Variants in EMILIN3 observed in about 807,000 individuals in gnomAD.
The protein encoded by EMILIN3 is elastin microfibril interfacer 3.
A neutral mutation model predicts 42.8 loss-of-function variants in EMILIN3; 38 were observed. The observed-to-expected ratio is 0.89, with a 90% confidence interval of 0.69 to 1.16. The LOEUF (loss-of-function observed/expected upper bound fraction) is 1.16, where lower values mean the gene tolerates loss of function less well. Among genes scored for constraint, EMILIN3 ranks in the 50% most tolerant of loss-of-function variants. The pLI is 0.00. For synonymous variants in EMILIN3, 430 were observed against 440.5 expected, an observed-to-expected ratio of 0.98 and a Z score of 0.30; for missense variants, 924 against 999.5, an observed-to-expected ratio of 0.92 and a Z score of 1.02.
rs936131907 is a variant in EMILIN3 at position 41,360,938 on chromosome 20, G to A, written c.*330C>T. 4 of 384,730 alleles carry A rather than the reference G, an allele frequency of 1.0e-5. No individual in the cohort carries two copies. Among genetic ancestry groups the A allele is most frequent in the African/African-American group, 6.1e-5 (3 of 49,508 alleles). The allele number at this position is 384,730 out of a possible 1,614,324, so 23.8% of individuals were successfully genotyped here. A position where few individuals can be genotyped will look rare whatever the true frequency, so the allele number is the denominator to read the frequency against. ...CACTGATCAAGGCCAGTTTGCCACA[G>A]CAGCTGCCCCTGCCAGCCATGCTCA... On this transcript the variant is annotated 3_prime_UTR_variant, in exon 4 of 4. Transcript: ENST00000332312.
In EMILIN3 at chr20:41,361,808, G is replaced by T. The variant is rs149625251; in HGVS notation, c.1761C>A (p.Leu587=). The T allele has an allele frequency of 6.8e-5, 109 of 1,613,460 alleles. 1 individual carries two copies. Among genetic ancestry groups the T allele is most frequent in the Non-Finnish European group, 8.9e-5 (105 of 1,180,050 alleles). ...TGCTCACTGAGTTCAGATTGACCTT[G>T]AGCAGAGTGATCTCGCCTTGAAGTG... The part of the protein sequence containing the change: ...GSSLQGEITL[L]KVNLNSVSKS... Residue 587 remains leucine, a synonymous_variant, in exon 4 of 4, where the codon CTC becomes CTA. Transcript: ENST00000332312.
chr20:41,363,377 G>A (rs1158413573), intron 3 of EMILIN3, among the ~76,000 whole-genome samples: 5 of 152,168 alleles, frequency 3.3e-5, no homozygotes, highest in Non-Finnish European at 2.9e-5. Context: ...TCCTAACCTC[G>A]TGATCCACCC....
At chr20:41,364,476 G>A (rs1399661823) in intron 2 of EMILIN3, among the ~76,000 whole-genome samples, 2 of 152,144 alleles carry the variant, frequency 1.3e-5, no homozygotes, top group Non-Finnish European at 2.9e-5. Flanking sequence ...GTTCAGCCAC[G>A]TACCTGTTCA....
In EMILIN3 at chr20:41,366,503, C is replaced by A; in HGVS notation, c.132G>T (p.Thr44=). ...PGASRYSLYT[T]GWRPRLRPGP... is the part of the protein sequence containing the mutation. ...CCGGGCGCAGCCGCGGGCGCCATCC[C>A]GTCGTGTAGAGACTGTAGCGGGAGG... Residue 44 remains threonine (T), a synonymous_variant, in exon 1 of 4, where the codon ACG becomes ACT. Transcript: ENST00000332312. This position sits in a 1 kb window ranked among gnomAD's most constrained non-coding sequence, Gnocchi z 4.2. 8.7e-7 allele frequency: 1 copy of A among 1,155,778 alleles called. No homozygotes were observed. Among genetic ancestry groups the A allele is most frequent in the Non-Finnish European group, 1.1e-6 (1 of 940,228 alleles). 71.6% of individuals were successfully genotyped at this position (1,155,778 alleles called of 1,614,324 possible). A position where few individuals can be genotyped will look rare whatever the true frequency, so the allele number is the denominator to read the frequency against.
rs775304250 is a variant in EMILIN3, at chr20:41,362,269, C to T, written c.1300G>A (p.Gly434Arg). 2.2e-5 allele frequency: 35 copies of T among 1,613,842 alleles called. No individual in the cohort carries two copies. Among genetic ancestry groups the T allele is most frequent in the Non-Finnish European group, 2.5e-5 (29 of 1,180,010 alleles). Residue 434 changes from glycine (G) to arginine (R), a missense_variant, in exon 4 of 4, where the codon GGG (glycine) becomes AGG (arginine). By Grantham distance (125) the Gly-to-Arg change is moderately radical. Transcript: ENST00000332312. Reference protein sequence around the residue: ...SAAMLEGGVDGLLEGLETLNG... With the variant: ...SAAMLEGGVDRLLEGLETLNG... Reference sequence around the variant, plus strand: ...AGCGTCTCCAGACCCTCAAGCAGCCCGTCCACACCTCCCTCGAGCATGGCA... The same window carrying T: ...AGCGTCTCCAGACCCTCAAGCAGCCTGTCCACACCTCCCTCGAGCATGGCA...
intron 3 of EMILIN3, 82 bp downstream of exon 3, chr20:41,363,555 GC>G: frequency 5.8e-6 from 8 of 1,374,386 alleles, no homozygotes; most frequent in Non-Finnish European, 7.8e-6. Context: ...AGCTCAGCCA[GC>G]CTGGGATCAG....
Position 41,366,514 on chromosome 20 carries a change from G to A in EMILIN3, c.121C>T (p.Leu41Phe), listed in dbSNP as rs1158010220. The change falls in exon 1 of 4, where the codon CTC becomes TTC. Residue 41 changes from leucine (L) to phenylalanine (F), a missense_variant. Coordinates refer to ENST00000332312, the MANE Select transcript of EMILIN3 (RefSeq NM_052846.2). This position sits in a 1 kb window ranked among gnomAD's most constrained non-coding sequence, Gnocchi z 4.2. ...PAPPGASRYS[L>F]YTTGWRPRLR... ...CGCGGGCGCCATCCCGTCGTGTAGA[G>A]ACTGTAGCGGGAGGCACCGGGCGGC... The A allele has an allele frequency of 1.1e-5, 13 of 1,163,556 alleles. No homozygotes were observed. Among genetic ancestry groups the A allele is most frequent in the African/African-American group, 1.6e-5 (1 of 61,198 alleles). The allele number at this position is 1,163,556 out of a possible 1,614,324, so 72.1% of individuals were successfully genotyped here.
rs773979845 is a variant in EMILIN3 at position 41,361,861 on chromosome 20, C to T, written c.1708G>A (p.Gly570Arg). 35 of 1,613,552 alleles carry T rather than the reference C, an allele frequency of 2.2e-5. No homozygotes were observed. The South Asian group carries it at 3.4e-4, about 16-fold the overall frequency. Reference protein sequence around the residue: ...QLNGTVAEVQGQLAEGTGSSL... With the variant: ...QLNGTVAEVQRQLAEGTGSSL... ...CTGCCCGTCCCTTCTGCCAGCTGTC[C>T]CTGGACCTCGGCCACAGTGCCATTG... The change falls in exon 4 of 4, where the codon GGA becomes AGA. Residue 570 changes from glycine to arginine, a missense_variant. By Grantham distance (125) the Gly-to-Arg change is moderately radical. Transcript: ENST00000332312.
rs760423261 is a variant in EMILIN3, at chr20:41,363,652, G to T, written c.500C>A (p.Ala167Asp). The T allele has an allele frequency of 6.2e-7, 1 of 1,610,510 alleles. No individual in the cohort carries two copies. The highest frequency in any genetic ancestry group is 1.7e-5 in the Admixed American group (1 of 59,972). ...GPRPPSYSRA[A>D]PSPHGRKGPG... ...GGCAGACTCACCATGAGGGCTGGGG[G>T]CTGCTCTGCTGTAGGAAGGGGGCCT... The change falls in exon 3 of 4, where the codon GCC becomes GAC. Residue 167 changes from alanine (A) to aspartate (D), a missense_variant. Transcript: ENST00000332312.
chr20:41,366,656 C>A lies in EMILIN3; in HGVS notation c.-22G>T. 1.0e-6 allele frequency: 1 copy of A among 1,003,888 alleles called. No individual in the cohort carries two copies. Among genetic ancestry groups the A allele is most frequent in the Non-Finnish European group, 1.2e-6 (1 of 843,876 alleles). The allele number at this position is 1,003,888 out of a possible 1,614,324, so 62.2% of individuals were successfully genotyped here. A position where few individuals can be genotyped will look rare whatever the true frequency, so the allele number is the denominator to read the frequency against. The stretch of plus-strand genomic sequence containing the variant: ...CCATAGCGGCCCCCGCGCCTCTGCC[C>A]GGCCCCGCGCGGTGCCCCCCGCCGG... On this transcript the variant is annotated 5_prime_UTR_variant, in exon 1 of 4. Coordinates refer to ENST00000332312, the MANE Select transcript of EMILIN3 (RefSeq NM_052846.2). The surrounding 1 kb of genome is among the most constrained non-coding windows in gnomAD (Gnocchi z 4.2).
Position 41,361,635 on chromosome 20 carries a change from T to C in EMILIN3, c.1934A>G (p.Gln645Arg). 1 of 1,608,308 alleles carries C rather than the reference T, an allele frequency of 6.2e-7. No homozygotes were observed. The highest frequency in any genetic ancestry group is 1.1e-5 in the South Asian group (1 of 90,770). ...EQVSSQGSRL[Q>R]AGHRQVLNLR... Reference sequence around the variant, plus strand: ...GTTCAGGACCTGCCTGTGGCCAGCCTGAAGCCTGGAGCCTTGGCTGCTGAC... The same window carrying C: ...GTTCAGGACCTGCCTGTGGCCAGCCCGAAGCCTGGAGCCTTGGCTGCTGAC... Residue 645 changes from glutamine (Q) to arginine (R), a missense_variant, in exon 4 of 4, where the codon CAG becomes CGG. Physicochemically the swap from Gln to Arg is conservative, Grantham distance 43. Coordinates refer to ENST00000332312, the MANE Select transcript of EMILIN3 (RefSeq NM_052846.2).
rs1207010915 is a variant in EMILIN3 at position 41,361,905 on chromosome 20, G to T, written c.1664C>A (p.Ala555Glu). The T allele has an allele frequency of 6.2e-7, 1 of 1,613,260 alleles. No individual in the cohort carries two copies. The highest frequency in any genetic ancestry group is 1.3e-5 in the African/African-American group (1 of 74,946). Residue 555 changes from alanine (A) to glutamate (E), a missense_variant, in exon 4 of 4, where the codon GCA (alanine) becomes GAA (glutamate). Transcript: ENST00000332312. ...EALLRQVASH[A>E]ALLQQLNGTV... is the part of the protein sequence containing the mutation. Reference sequence around the variant, plus strand: ...GCCATTGAGCTGCTGGAGCAGTGCTGCGTGGCTGGCCACCTGGCGTAGGAG... The same window carrying T: ...GCCATTGAGCTGCTGGAGCAGTGCTTCGTGGCTGGCCACCTGGCGTAGGAG...
chr20:41,361,819 T>C lies in EMILIN3; in HGVS notation c.1750A>G (p.Ile584Val), dbSNP rs777404496. 2.5e-6 allele frequency: 4 copies of C among 1,613,574 alleles called. No homozygotes were observed. The highest frequency in any genetic ancestry group is 3.3e-5 in the Admixed American group (2 of 60,030). Reference protein sequence around the residue: ...EGTGSSLQGEITLLKVNLNSV... With the variant: ...EGTGSSLQGEVTLLKVNLNSV... The stretch of plus-strand genomic sequence containing the variant: ...TTCAGATTGACCTTGAGCAGAGTGA[T>C]CTCGCCTTGAAGTGAGCTGCCCGTC... Residue 584 changes from isoleucine to valine, a missense_variant, in exon 4 of 4, where the codon ATC becomes GTC. Coordinates refer to ENST00000332312, the MANE Select transcript of EMILIN3 (RefSeq NM_052846.2).
Position 41,361,263 on chromosome 20 carries a change from C to CCTGT in EMILIN3, c.*1_*4dup. ...GATCTAGGGGTTGGGTCCTGGCCAG[C>CCTGT]CTGTCTAGTTGGCTTGCCCTGGCCG... On this transcript the variant is annotated 3_prime_UTR_variant, in exon 4 of 4. Coordinates refer to ENST00000332312, the MANE Select transcript of EMILIN3 (RefSeq NM_052846.2). 1 of 1,574,352 alleles carries CCTGT rather than the reference C, an allele frequency of 6.4e-7. No homozygotes were observed. The highest frequency in any genetic ancestry group is 8.7e-7 in the Non-Finnish European group (1 of 1,153,138).
chr20:41,366,655 C>G lies in EMILIN3; in HGVS notation c.-21G>C, dbSNP rs917021090. 1 of 1,007,778 alleles carries G rather than the reference C, an allele frequency of 9.9e-7. No individual in the cohort carries two copies. The highest frequency in any genetic ancestry group is 1.7e-5 in the African/African-American group (1 of 57,146). 62.4% of individuals were successfully genotyped at this position (1,007,778 alleles called of 1,614,324 possible). A position where few individuals can be genotyped will look rare whatever the true frequency, so the allele number is the denominator to read the frequency against. ...CCCATAGCGGCCCCCGCGCCTCTGCCCGGCCCCGCGCGGTGCCCCCCGCCG... is the reference window on the plus strand; with the variant it reads ...CCCATAGCGGCCCCCGCGCCTCTGCGCGGCCCCGCGCGGTGCCCCCCGCCG... On this transcript the variant is annotated 5_prime_UTR_variant, in exon 1 of 4. Coordinates refer to ENST00000332312, the MANE Select transcript of EMILIN3 (RefSeq NM_052846.2). The surrounding 1 kb of genome is among the most constrained non-coding windows in gnomAD (Gnocchi z 4.2).
Position 41,361,051 on chromosome 20 carries a change from C to T in EMILIN3, c.*217G>A, listed in dbSNP as rs901832692. 8.0e-6 allele frequency: 4 copies of T among 500,896 alleles called. No individual in the cohort carries two copies. The highest frequency in any genetic ancestry group is 1.9e-5 in the African/African-American group (1 of 52,392). 31.0% of individuals were successfully genotyped at this position (500,896 alleles called of 1,614,324 possible). On this transcript the variant is annotated 3_prime_UTR_variant, in exon 4 of 4. Coordinates refer to ENST00000332312, the MANE Select transcript of EMILIN3 (RefSeq NM_052846.2). ...CTACCCTGGCCTTCAAGCATGACAT[C>T]CTTGCCTTGACCGCTGTCCGGAACT...
At chr20:41,363,502 G>T in intron 3 of EMILIN3, 136 bp downstream of exon 3, 1 of 853,394 alleles carries the variant, frequency 1.2e-6, no homozygotes, top group Non-Finnish European at 1.8e-6. Flanking sequence ...TTATGGTGGG[G>T]TGAAAGTGGG....
intron 2 of EMILIN3, 110 bp downstream of exon 2, chr20:41,364,925 T>C: frequency 6.6e-7 from 1 of 1,517,956 alleles, no homozygotes; most frequent in Non-Finnish European, 8.9e-7. Flanking sequence ...TCAGGTGGGC[T>C]CTCTGGAGTC....
In EMILIN3 at chr20:41,361,442, G is replaced by A; in HGVS notation, c.2127C>T (p.Gly709=). ...ACRRLGLLAA[G]LDSLPTEPLR... ...GTGGCTCAGTGGGCAAGCTGTCCAG[G>A]CCCGCGGCCAGCAGGCCCAGCCTCC... Residue 709 remains glycine (G), a synonymous_variant, in exon 4 of 4, where the codon GGC becomes GGT. Transcript: ENST00000332312. 6.2e-7 allele frequency: 1 copy of A among 1,607,192 alleles called. No individual in the cohort carries two copies. The highest frequency in any genetic ancestry group is 8.5e-7 in the Non-Finnish European group (1 of 1,176,218).
Sources: gnomAD v4.1 joint callset for allele counts (sites outside exome capture counted in the v4.1 genomes callset) on GRCh38, gnomAD v4.1.1 for gene constraint, Gnocchi (gnomAD v3.1) non-coding constraint, MANE v1.5 for transcripts, NCBI Gene and HGNC (gene_info 2026-07-23, HGNC 2026-07-21) for gene names.